SETD7: variants seen among roughly 807,000 people sequenced by gnomAD.
The protein encoded by SETD7 is SET domain containing 7, histone lysine methyltransferase.
SETD7 carries 16 observed loss-of-function variants against 41.8 expected under a neutral mutation model. The ratio of observed to expected loss-of-function variants is 0.38; its 90% CI spans 0.26 to 0.58. The LOEUF (loss-of-function observed/expected upper bound fraction) is 0.58. Ranked by LOEUF, SETD7 falls within the 20% of genes least tolerant of loss-of-function variation. The probability of loss-of-function intolerance (pLI) is 0.64; values close to 1 mark genes in which losing one functional copy is unlikely to be tolerated. For synonymous variants in SETD7, 163 were observed against 169.7 expected (o/e 0.96, Z 0.31); for missense variants, 346 against 459.7 (o/e 0.75, Z 2.26).
chr4:139,512,752 CTTTTTTTTTTT>C (rs140570195), intron 7 of SETD7, among the ~76,000 whole-genome samples: 2 of 75,536 alleles, frequency 2.6e-5, no homozygotes, highest in African/African-American at 9.8e-5. Context: ...TTTTCTTATT[CTTTTTTTTTTT>C]TTTTTTTTTT....
intron 1 of SETD7, among the ~76,000 whole-genome samples, chr4:139,553,337 C>A (rs1366872688): frequency 6.6e-6 from 1 of 152,222 alleles, no homozygotes; most frequent in Non-Finnish European, 1.5e-5. Context: ...GACACAGGTT[C>A]TTTCTCCCCA....
chr4:139,498,753 A>G (rs1276145306), intron 7 of SETD7, among the ~76,000 whole-genome samples: 2 of 152,046 alleles, frequency 1.3e-5, no homozygotes, highest in Admixed American at 1.3e-4. Context: ...AACCAGAACT[A>G]TTTTTCCCCA....
At chr4:139,546,411 C>A (rs1727947915) in intron 2 of SETD7, 1 of 220,342 alleles carries the variant, frequency 4.5e-6, no homozygotes, top group Middle Eastern at 1.7e-3. Context: ...GCAGAAGAAC[C>A]AACAAGGTGG....
chr4:139,532,798 A>G (rs1007972847), intron 3 of SETD7: 1 of 299,102 alleles, frequency 3.3e-6, no homozygotes, highest in South Asian at 4.6e-5. Flanking sequence ...AGAAACAGGA[A>G]ATAAAACTAA....
intron 4 of SETD7, among the ~76,000 whole-genome samples, chr4:139,526,397 G>A (rs2111142892): frequency 1.3e-5 from 2 of 149,928 alleles, no homozygotes; most frequent in East Asian, 3.9e-4. Context: ...AGTCTCCCAA[G>A]TAGCTGAGAT....
At chr4:139,503,179 G>GAAAAAA (rs11388022), downstream of SETD7, among the ~76,000 whole-genome samples, 14 of 73,144 alleles carry the variant, frequency 1.9e-4, 1 homozygote, top group Admixed American at 5.5e-4. Context: ...CTCTGTCTCA[G>GAAAAAA]AAAAAAAAAA....
chr4:139,507,584 C>A lies in SETD7; in HGVS notation c.*4079G>T, dbSNP rs927118306. 7 of 152,574 alleles carry A rather than the reference C, an allele frequency of 4.6e-5. No individual in the cohort carries two copies. Among genetic ancestry groups the A allele is most frequent in the Admixed American group, 4.6e-4 (7 of 15,266 alleles). The allele number at this position is 152,574 out of a possible 1,614,324, so 9.5% of individuals were successfully genotyped here. On this transcript the variant is annotated 3_prime_UTR_variant, in exon 8 of 8. Coordinates refer to ENST00000274031, the MANE Select transcript of SETD7 (RefSeq NM_030648.4). ...TCATGAAAATATTTCATACAAACAT[C>A]TATTTACATACAAACACATTAAAAT...
downstream of SETD7, among the ~76,000 whole-genome samples, chr4:139,501,939 G>C (rs929654339): frequency 1.3e-5 from 2 of 152,214 alleles, no homozygotes; most frequent in Non-Finnish European, 1.5e-5. Flanking sequence ...TGGAAAGGTG[G>C]CATCCCAGAG....
chr4:139,504,807 C>T (rs573963882), downstream of SETD7, among the ~76,000 whole-genome samples: 3 of 152,208 alleles, frequency 2.0e-5, no homozygotes, highest in African/African-American at 7.2e-5. Flanking sequence ...ACATTTGGGC[C>T]CAAATCAATC....
intron 7 of SETD7, among the ~76,000 whole-genome samples, chr4:139,516,553 T>C (rs1362115277): frequency 6.6e-6 from 1 of 151,974 alleles, no homozygotes; most frequent in Non-Finnish European, 1.5e-5. Flanking sequence ...ATTTCATTTG[T>C]CTATTTGTCT....
Position 139,511,790 on chromosome 4 carries a change from A to G in SETD7, c.974T>C (p.Val325Ala), listed in dbSNP as rs763144988. 6.2e-7 allele frequency: 1 copy of G among 1,614,102 alleles called. No homozygotes were observed. The highest frequency in any genetic ancestry group is 1.1e-5 in the South Asian group (1 of 91,074). Residue 325 changes from valine to alanine, a missense_variant, in exon 8 of 8, where the codon GTG becomes GCG. Physicochemically the swap from Val to Ala is moderately conservative, Grantham distance 64 (BLOSUM62 0). Around this residue, in one of 3 missense-constraint regions of SETD7, gnomAD observed 75 missense variants for 65.5 expected, o/e 1.14. Coordinates refer to ENST00000274031, the MANE Select transcript of SETD7 (RefSeq NM_030648.4). ...AACGGTGAGCTCTTCATCGGCCTCCACTGCTCTCAGGGTGCGGATGCATTT... is the reference window on the plus strand; with the variant it reads ...AACGGTGAGCTCTTCATCGGCCTCCGCTGCTCTCAGGGTGCGGATGCATTT... ...PIKCIRTLRA[V>A]EADEELTVAY... is the part of the protein sequence containing the mutation.
intron 7 of SETD7, 85 bp from the exon 8 acceptor site, chr4:139,511,928 A>G: frequency 6.6e-7 from 1 of 1,504,666 alleles, no homozygotes; most frequent in Non-Finnish European, 8.8e-7. Flanking sequence ...TACAGGAATC[A>G]CCCCCAGGCA....
chr4:139,524,746 A>G (rs1560681951), intron 4 of SETD7, among the ~76,000 whole-genome samples: 1 of 152,144 alleles, frequency 6.6e-6, no homozygotes, highest in Non-Finnish European at 1.5e-5. Context: ...AGAATGATGA[A>G]TGGATTGGAT....
chr4:139,532,333 G>A (rs1289894668), intron 3 of SETD7, among the ~76,000 whole-genome samples: 1 of 152,192 alleles, frequency 6.6e-6, no homozygotes, highest in Non-Finnish European at 1.5e-5. Context: ...CAGCTACTAA[G>A]GAGGCTGAGG....
At chr4:139,496,583 C>T in intron 7 of SETD7, 1 of 663,636 alleles carries the variant, frequency 1.5e-6, no homozygotes, top group Admixed American at 2.4e-5. Context: ...ACATAGATCT[C>T]AAGCCACGGT....
At chr4:139,524,976 C>T (rs1727285266) in intron 4 of SETD7, among the ~76,000 whole-genome samples, 1 of 152,176 alleles carries the variant, frequency 6.6e-6, no homozygotes, top group Non-Finnish European at 1.5e-5. Flanking sequence ...GTCACCATGC[C>T]TGGCTAATTT....
At chr4:139,546,671 C>T (rs1727957398) in intron 2 of SETD7, 2 of 499,060 alleles carry the variant, frequency 4.0e-6, no homozygotes, top group African/African-American at 3.9e-5. Context: ...TGGGGGCCCC[C>T]AAATCTGGTA....
At chr4:139,544,306 T>C (rs1225526719) in intron 2 of SETD7, among the ~76,000 whole-genome samples, 1 of 146,346 alleles carries the variant, frequency 6.8e-6, no homozygotes, top group Non-Finnish European at 1.5e-5. Flanking sequence ...TAAAATAAAA[T>C]AAAATAAAAT....
rs1726768650 is a variant in SETD7, at chr4:139,508,404, T to A, written c.*3259A>T. ...CCTCACTGCTTTCTTTTTGATCCCA[T>A]CATTCCTTTGTGTCGGAAATTCAGT... On this transcript the variant is annotated 3_prime_UTR_variant, in exon 8 of 8. Transcript: ENST00000274031. The A allele has an allele frequency of 6.6e-6, 1 of 152,256 alleles. No homozygotes were observed. The highest frequency in any genetic ancestry group is 2.1e-4 in the South Asian group (1 of 4,836). 9.4% of individuals were successfully genotyped at this position (152,256 alleles called of 1,614,324 possible). A position where few individuals can be genotyped will look rare whatever the true frequency, so the allele number is the denominator to read the frequency against.
Sources: allele counts gnomAD v4.1 joint callset (sites outside exome capture counted in the v4.1 genomes callset), GRCh38; gene constraint gnomAD v4.1.1; regional missense constraint gnomAD v4.1.1; transcripts MANE v1.5; gene names NCBI Gene and HGNC (gene_info 2026-07-23, HGNC 2026-07-21).